The following NBAS variants were observed in gnomAD, a reference collection of about 807,000 sequenced individuals.
NBAS encodes the protein NBAS subunit of NRZ tethering complex.
Under a neutral mutation model 302.5 loss-of-function variants are expected in NBAS, and 219 were observed. The observed-to-expected ratio is 0.72, with a 90% CI of 0.65 to 0.81. The LOEUF is 0.81. Ranked by LOEUF, NBAS falls within the 30% of genes least tolerant of loss-of-function variation. The pLI, the probability that NBAS is intolerant of heterozygous loss-of-function variation, is 0.00. For synonymous variants in NBAS, 1,118 were observed against 1,021.6 expected, an observed-to-expected ratio of 1.09 and a Z score of -1.80; for missense variants, 2,932 against 2,841.6, an observed-to-expected ratio of 1.03 and a Z score of -0.72.
At chr2:15,460,046 C>T (rs1395868984) in intron 21 of NBAS, among the ~76,000 whole-genome samples, 1 of 151,986 alleles carries the variant, frequency 6.6e-6, no homozygotes, top group African/African-American at 2.4e-5. Flanking sequence ...TACATGTTGA[C>T]CATCATCATT....
the NBAS span, among the ~76,000 whole-genome samples, chr2:14,955,823 C>T: frequency 1.3e-5 from 2 of 152,216 alleles, no homozygotes; most frequent in East Asian, 1.9e-4. Context: ...CACTTTCCCT[C>T]CTACCTCTCC....
chr2:15,013,627 T>TA, the NBAS span, among the ~76,000 whole-genome samples: 1 of 151,664 alleles, frequency 6.6e-6, no homozygotes, highest in Non-Finnish European at 1.5e-5. Context: ...TACTAAAAAA[T>TA]AAAAAAATTA....
intron 40 of NBAS, among the ~76,000 whole-genome samples, chr2:15,307,643 C>G (rs985677676): frequency 2.8e-4 from 42 of 152,188 alleles, no homozygotes; most frequent in African/African-American, 9.9e-4. Context: ...CTGTAATACT[C>G]TTGTGTCCAC....
chr2:14,895,554 C>T, the NBAS span, among the ~76,000 whole-genome samples: 5 of 152,054 alleles, frequency 3.3e-5, no homozygotes, highest in African/African-American at 7.2e-5. Flanking sequence ...CTGGCTAACA[C>T]GGTGAAACCC....
intron 48 of NBAS, among the ~76,000 whole-genome samples, chr2:15,201,412 C>T (rs1665871686): frequency 6.6e-6 from 1 of 152,130 alleles, no homozygotes; most frequent in South Asian, 2.1e-4. Context: ...CCAATAATGC[C>T]TGTTGTGTCT....
At chr2:14,839,251 T>C in the NBAS span, among the ~76,000 whole-genome samples, 1 of 152,016 alleles carries the variant, frequency 6.6e-6, no homozygotes, top group Non-Finnish European at 1.5e-5. Context: ...ATATCCATGA[T>C]GCCCCTCTGC....
the NBAS span, among the ~76,000 whole-genome samples, chr2:15,015,541 T>C: frequency 6.6e-6 from 1 of 152,152 alleles, no homozygotes; most frequent in African/African-American, 2.4e-5. Flanking sequence ...AAAAACCATA[T>C]GATTATCTCA....
At chr2:14,970,260 AAAC>A in the NBAS span, among the ~76,000 whole-genome samples, 1 of 152,156 alleles carries the variant, frequency 6.6e-6, no homozygotes, top group Non-Finnish European at 1.5e-5. Flanking sequence ...TTCTTATAAA[AAAC>A]AACTAGAACT....
At chr2:14,963,799 T>C in the NBAS span, among the ~76,000 whole-genome samples, 8 of 152,360 alleles carry the variant, frequency 5.3e-5, no homozygotes, top group South Asian at 1.7e-3. Flanking sequence ...GCTTTCCCCT[T>C]GATGATTTTG....
chr2:14,825,540 A>T, the NBAS span, among the ~76,000 whole-genome samples: 1 of 152,334 alleles, frequency 6.6e-6, no homozygotes, highest in Non-Finnish European at 1.5e-5. Flanking sequence ...TGGCCTTAGA[A>T]ATGAGCCTCG....
the NBAS span, among the ~76,000 whole-genome samples, chr2:15,114,584 C>A: frequency 6.6e-6 from 1 of 152,066 alleles, no homozygotes; most frequent in African/African-American, 2.4e-5. Context: ...TGAAAATATA[C>A]CACCTTCACA....
chr2:15,178,759 T>G (rs1191273514), intron 51 of NBAS, among the ~76,000 whole-genome samples: 1 of 152,168 alleles, frequency 6.6e-6, no homozygotes. Context: ...ATTTGTATTC[T>G]GAGCACCAAA....
chr2:15,198,731 G>A (rs1050329116), intron 48 of NBAS, among the ~76,000 whole-genome samples: 1 of 152,198 alleles, frequency 6.6e-6, no homozygotes, highest in East Asian at 1.9e-4. Context: ...TACATTTCTT[G>A]CAAAATAGCA....
chr2:15,494,468 C>T (rs1452512027), intron 11 of NBAS, among the ~76,000 whole-genome samples: 2 of 152,316 alleles, frequency 1.3e-5, no homozygotes, highest in South Asian at 2.1e-4. Flanking sequence ...TTGGATTCTA[C>T]CTGAATCCAT....
At chr2:14,931,574 C>A in the NBAS span, among the ~76,000 whole-genome samples, 1 of 152,300 alleles carries the variant, frequency 6.6e-6, no homozygotes, top group Non-Finnish European at 1.5e-5. Context: ...GCAGTTTTCC[C>A]CAGTGTATCC....
the NBAS span, among the ~76,000 whole-genome samples, chr2:15,133,559 A>G: frequency 2.0e-5 from 3 of 152,170 alleles, 1 homozygote; most frequent in South Asian, 6.2e-4. Flanking sequence ...GGAAGATAAA[A>G]TGGGAAAATT....
intron 1 of NBAS, 63 bp from the exon 2 acceptor site, chr2:15,558,697 T>A: frequency 8.3e-7 from 1 of 1,200,384 alleles, no homozygotes; most frequent in Non-Finnish European, 1.2e-6. Context: ...CCAGTATTAC[T>A]TATACAATAT....
chr2:14,905,801 A>T, the NBAS span, among the ~76,000 whole-genome samples: 1 of 152,188 alleles, frequency 6.6e-6, no homozygotes, highest in Non-Finnish European at 1.5e-5. Flanking sequence ...CCTCTTCTTT[A>T]CAATGCCTTC....
chr2:15,327,229 G>A (rs1299419145), intron 38 of NBAS, among the ~76,000 whole-genome samples: 1 of 152,068 alleles, frequency 6.6e-6, no homozygotes, highest in African/African-American at 2.4e-5. Flanking sequence ...CAGAGAGAGG[G>A]GGAATTCAAA....
Sources: allele counts gnomAD v4.1 joint callset (sites outside exome capture counted in the v4.1 genomes callset), GRCh38; gene constraint gnomAD v4.1.1; transcripts MANE v1.5; gene names NCBI Gene and HGNC (gene_info 2026-07-23, HGNC 2026-07-21).